Variants in NDUFS1 observed in about 807,000 individuals in gnomAD.
The protein encoded by NDUFS1 is NADH-ubiquinone oxidoreductase 75 kDa subunit, mitochondrial.
NDUFS1 carries 61 observed loss-of-function variants against 84.4 expected under a neutral mutation model. That is an observed-to-expected ratio of 0.72 (90% CI 0.59 to 0.89). The LOEUF (loss-of-function observed/expected upper bound fraction) is 0.89, where lower values mean the gene tolerates loss of function less well. Among genes scored for constraint, NDUFS1 ranks in the 40% least tolerant of loss-of-function variants. The probability of loss-of-function intolerance (pLI) is 0.00; values close to 1 mark genes in which losing one functional copy is unlikely to be tolerated. For missense variants in NDUFS1, 891 were observed against 890.0 expected (o/e 1.00, Z -0.01); for synonymous variants, 275 against 290.0 (o/e 0.95, Z 0.53).
chr2:206,141,685 A>G (rs1219485873), intron 12 of NDUFS1, among the ~76,000 whole-genome samples: 2 of 150,208 alleles, frequency 1.3e-5, no homozygotes, highest in Non-Finnish European at 3.0e-5. Flanking sequence ...GAGGTCAGGA[A>G]ATCGAGACCA....
At chr2:206,158,324 C>T (rs1339489285) in intron 1 of NDUFS1, among the ~76,000 whole-genome samples, 2 of 152,186 alleles carry the variant, frequency 1.3e-5, no homozygotes, top group East Asian at 1.9e-4. Flanking sequence ...CCCCTCTTGC[C>T]ACCGGCTGTG....
chr2:206,136,074 G>GGACAGATGGGAGACA (rs1469532619), intron 13 of NDUFS1, among the ~76,000 whole-genome samples: 206 of 149,816 alleles, frequency 1.4e-3, no homozygotes, highest in African/African-American at 4.9e-3. Flanking sequence ...TTTTTGAGAT[G>GGACAGATGGGAGACA]GAGTCTCACT....
rs1691066861 is a variant in NDUFS1, at chr2:206,120,545, T to G, written c.*3640A>C. 6.6e-6 allele frequency: 1 copy of G among 152,204 alleles called. No individual in the cohort carries two copies. Among genetic ancestry groups the G allele is most frequent in the Non-Finnish European group, 1.5e-5 (1 of 68,056 alleles). 9.4% of individuals were successfully genotyped at this position (152,204 alleles called of 1,614,324 possible). A position where few individuals can be genotyped will look rare whatever the true frequency, so the allele number is the denominator to read the frequency against. ...TTTAGCAAATAGCTTGGGTGCATTG[T>G]GTCCAGGCCCTAGGAATCTGTGGAA... On this transcript the variant is annotated 3_prime_UTR_variant, in exon 19 of 19. Transcript: ENST00000233190.
chr2:206,149,737 T>C (rs773414893), intron 4 of NDUFS1, 81 bp downstream of exon 4: 4 of 1,011,256 alleles, frequency 4.0e-6, no homozygotes, highest in African/African-American at 1.6e-5. Context: ...CACTACGATA[T>C]TGATTCTAAA....
At chr2:206,127,078 T>C (rs1691322237) in intron 16 of NDUFS1, among the ~76,000 whole-genome samples, 1 of 152,198 alleles carries the variant, frequency 6.6e-6, no homozygotes, top group Non-Finnish European at 1.5e-5. Flanking sequence ...GAAGAGACAA[T>C]ACTATGCTAA....
Position 206,159,351 on chromosome 2 carries a change from G to C in NDUFS1, c.-15C>G, listed in dbSNP as rs1351075935. ...CATACAAGACCTCACCTTCTCCCCG[G>C]AGCCGCGGAGGCTGTTCTGCTAAAC... is the stretch of plus-strand genomic sequence containing the variant. On this transcript the variant is annotated 5_prime_UTR_variant, in exon 1 of 19. Coordinates refer to ENST00000233190, the MANE Select transcript of NDUFS1 (RefSeq NM_005006.7). The C allele has an allele frequency of 5.0e-6, 3 of 598,554 alleles. No individual in the cohort carries two copies. The African/African-American group carries it at 5.6e-5, about 11-fold the overall frequency. The allele number at this position is 598,554 out of a possible 1,614,324, so 37.1% of individuals were successfully genotyped here.
At chr2:206,130,007 C>T (rs1691442566) in intron 15 of NDUFS1, 81 bp downstream of exon 15, 1 of 1,540,584 alleles carries the variant, frequency 6.5e-7, no homozygotes, top group Admixed American at 1.7e-5. Context: ...ACATTCAGTT[C>T]ACTAAATATA....
chr2:206,118,769 T>C lies in NDUFS1; in HGVS notation c.*5416A>G, dbSNP rs758052846. The C allele has an allele frequency of 1.3e-5, 2 of 152,212 alleles. No homozygotes were observed. The highest frequency in any genetic ancestry group is 4.8e-5 in the African/African-American group (2 of 41,532). The allele number at this position is 152,212 out of a possible 1,614,324, so 9.4% of individuals were successfully genotyped here. The stretch of plus-strand genomic sequence containing the variant: ...GGGTTCAAGACCAGCCTGACCAATA[T>C]GGTGAAACCTCATCTCTACTAAAAA... On this transcript the variant is annotated 3_prime_UTR_variant, in exon 19 of 19. Transcript: ENST00000233190.
rs12472329 is a variant in NDUFS1, at chr2:206,128,263, T to C, written c.1709-291A>G. Among the ~76,000 whole-genome samples, 9,850 of 152,034 alleles carry C rather than the reference T, an allele frequency of 0.065. 410 individuals carry two copies. Among genetic ancestry groups the C allele is most frequent in the East Asian group, 0.17 (884 of 5,096 alleles). ...TCACAGCAAGCTCTGCCTCCTGGGT[T>C]CATGCCATTCTTCTGTCTCAGCCTC... On this transcript the variant is annotated intron_variant, in intron 15 of 18. Transcript: ENST00000233190.
intron 13 of NDUFS1, among the ~76,000 whole-genome samples, chr2:206,137,556 A>C (rs566967103): frequency 9.2e-5 from 14 of 152,092 alleles, no homozygotes; most frequent in Non-Finnish European, 1.8e-4. Context: ...CTTCACTAAC[A>C]AAAGGCAGTG....
chr2:206,132,812 A>G lies in NDUFS1; in HGVS notation c.1553+133T>C, dbSNP rs566015566. ...CTCTTCTCACACAGAGTAAAGGTCT[A>G]TATTTCACATGTGTAACTGGGATAA... is the stretch of plus-strand genomic sequence containing the variant. On this transcript the variant is annotated intron_variant, in intron 14 of 18. Transcript: ENST00000233190. The G allele has an allele frequency of 6.6e-4, 505 of 761,178 alleles. 3 individuals are homozygous for G. Among genetic ancestry groups the G allele is most frequent in the Middle Eastern group, 3.6e-3 (10 of 2,756 alleles). The allele number at this position is 761,178 out of a possible 1,614,324, so 47.2% of individuals were successfully genotyped here.
At chr2:206,146,537 T>C (rs1025145396) in intron 8 of NDUFS1, among the ~76,000 whole-genome samples, 1 of 152,188 alleles carries the variant, frequency 6.6e-6, no homozygotes, top group Non-Finnish European at 1.5e-5. Context: ...TAAAGAAATA[T>C]ACAAGCTAAA....
At chr2:206,129,957 A>G (rs1178528890) in intron 15 of NDUFS1, 131 bp downstream of exon 15, 2 of 966,406 alleles carry the variant, frequency 2.1e-6, no homozygotes, top group South Asian at 1.4e-5. Flanking sequence ...TTTAAAAAAA[A>G]AGGAGGAGGA....
chr2:206,123,357 T>C lies in NDUFS1; in HGVS notation c.*828A>G, dbSNP rs1320507072. The C allele has an allele frequency of 6.8e-6, 1 of 147,878 alleles. No homozygotes were observed. Among genetic ancestry groups the C allele is most frequent in the Non-Finnish European group, 1.5e-5 (1 of 67,218 alleles). 9.2% of individuals were successfully genotyped at this position (147,878 alleles called of 1,614,324 possible). On this transcript the variant is annotated 3_prime_UTR_variant, in exon 19 of 19. Transcript: ENST00000233190. ...AACTTATAAAAAAAAAAAAGCCACA[T>C]AAATCACCATGACATTATAGAAGCA...
rs184489910 is a variant in NDUFS1, at chr2:206,143,131, A to G, written c.988-300T>C. Among the ~76,000 whole-genome samples, 4 of 152,288 alleles carry G rather than the reference A, an allele frequency of 2.6e-5. No individual in the cohort carries two copies. In the East Asian group the frequency reaches 7.7e-4, roughly 29 times the overall value. On this transcript the variant is annotated intron_variant, in intron 10 of 18. Coordinates refer to ENST00000233190, the MANE Select transcript of NDUFS1 (RefSeq NM_005006.7). ...GCTGGGCATGGTGGCATACGCCTGTATCCCCAGCTGCTCGGGAGGATGAGG... is the reference window on the plus strand; with the variant it reads ...GCTGGGCATGGTGGCATACGCCTGTGTCCCCAGCTGCTCGGGAGGATGAGG...
At chr2:206,128,495 G>A (rs894020322) in intron 15 of NDUFS1, among the ~76,000 whole-genome samples, 7 of 150,912 alleles carry the variant, frequency 4.6e-5, no homozygotes, top group Admixed American at 1.3e-4. Context: ...AAGCATTTGG[G>A]GGCCAGGTGT....
At chr2:206,147,262 T>A (rs757899487) in intron 7 of NDUFS1, among the ~76,000 whole-genome samples, 174 bp from the exon 8 acceptor site, 14 of 152,226 alleles carry the variant, frequency 9.2e-5, no homozygotes, top group Non-Finnish European at 1.5e-4. Flanking sequence ...AATTGAGGTG[T>A]AACACACAGG....
At chr2:206,150,041 C>A (rs1332399150) in intron 3 of NDUFS1, 116 bp from the exon 4 acceptor site, 1 of 723,110 alleles carries the variant, frequency 1.4e-6, no homozygotes. Context: ...ATCTATCTAT[C>A]TATCTATCTA....
intron 5 of NDUFS1, 89 bp downstream of exon 5, chr2:206,148,931 A>T: frequency 1.0e-6 from 1 of 960,020 alleles, no homozygotes; most frequent in Non-Finnish European, 1.7e-6. Flanking sequence ...GTTTGATATT[A>T]AATTCTTAAT....
Sources: gnomAD v4.1 joint callset for allele counts (sites outside exome capture counted in the v4.1 genomes callset) on GRCh38, gnomAD v4.1.1 for gene constraint, MANE v1.5 for transcripts, NCBI Gene and HGNC (gene_info 2026-07-23, HGNC 2026-07-21) for gene names.